Variants in CSNK2A2IP observed in about 807,000 individuals in gnomAD.
The protein encoded by CSNK2A2IP is casein kinase II subunit alpha'-interacting protein.
At chr3:88,435,591 A>T in the CSNK2A2IP span, among the ~76,000 whole-genome samples, 1 of 151,860 alleles carries the variant, frequency 6.6e-6, no homozygotes, top group Non-Finnish European at 1.5e-5. Context: ...CTTCACTTAA[A>T]CCATCTTCCT....
chr3:88,366,109 T>G, the CSNK2A2IP span, among the ~76,000 whole-genome samples: 1 of 152,164 alleles, frequency 6.6e-6, no homozygotes, highest in Non-Finnish European at 1.5e-5. Flanking sequence ...TCATCTGATT[T>G]TGTTTAGTGT....
the CSNK2A2IP span, among the ~76,000 whole-genome samples, chr3:88,364,521 T>C: frequency 6.6e-6 from 1 of 152,068 alleles, no homozygotes; most frequent in Non-Finnish European, 1.5e-5. Flanking sequence ...AATAAAGAAT[T>C]ATTATTATCT....
chr3:88,341,299 T>A, the CSNK2A2IP span, among the ~76,000 whole-genome samples: 66,430 of 151,588 alleles, frequency 0.44, 15,805 homozygotes, highest in South Asian at 0.62. Flanking sequence ...ATCATTATTA[T>A]TATATGCATT....
chr3:88,423,964 G>T, the CSNK2A2IP span, among the ~76,000 whole-genome samples: 4,577 of 152,170 alleles, frequency 0.03, 204 homozygotes, highest in East Asian at 0.21. Context: ...TATTATAGGA[G>T]ATATTTAAAA....
At chr3:88,387,932 G>T in the CSNK2A2IP span, among the ~76,000 whole-genome samples, 1 of 152,142 alleles carries the variant, frequency 6.6e-6, no homozygotes, top group East Asian at 1.9e-4. Flanking sequence ...TTGCTGTGTT[G>T]CCCAGGTTGA....
chr3:88,458,590 T>C, the CSNK2A2IP span, among the ~76,000 whole-genome samples: 1 of 151,810 alleles, frequency 6.6e-6, no homozygotes, highest in Non-Finnish European at 1.5e-5. Flanking sequence ...GTTTTCTTTC[T>C]TCTACTTAAT....
chr3:88,397,392 A>T, the CSNK2A2IP span, among the ~76,000 whole-genome samples: 3 of 152,186 alleles, frequency 2.0e-5, no homozygotes, highest in African/African-American at 7.2e-5. Flanking sequence ...CACTTGTAAC[A>T]TTATTCATCT....
At chr3:88,416,738 A>C in the CSNK2A2IP span, among the ~76,000 whole-genome samples, 1 of 152,162 alleles carries the variant, frequency 6.6e-6, no homozygotes, top group South Asian at 2.1e-4. Context: ...TACCCCATTA[A>C]TTTACTTTCT....
the CSNK2A2IP span, among the ~76,000 whole-genome samples, chr3:88,350,289 C>T: frequency 6.6e-6 from 1 of 151,998 alleles, no homozygotes; most frequent in Non-Finnish European, 1.5e-5. Context: ...TCTGAGTTAC[C>T]AATTCAGTTT....
At chr3:88,437,606 CT>C in the CSNK2A2IP span, among the ~76,000 whole-genome samples, 3 of 152,048 alleles carry the variant, frequency 2.0e-5, no homozygotes, top group African/African-American at 4.8e-5. Context: ...AAATTAGCAA[CT>C]TTTTTTGCAA....
At chr3:88,376,521 G>A in the CSNK2A2IP span, among the ~76,000 whole-genome samples, 31,126 of 151,446 alleles carry the variant, frequency 0.21, 3,330 homozygotes, top group African/African-American at 0.25. Flanking sequence ...AGTTCTTCTC[G>A]TATTTCCTCC....
chr3:88,434,328 A>G, the CSNK2A2IP span, among the ~76,000 whole-genome samples: 1 of 151,264 alleles, frequency 6.6e-6, no homozygotes, highest in African/African-American at 2.4e-5. Context: ...TAAAGAGATT[A>G]AGTGAGGTGG....
the CSNK2A2IP span, among the ~76,000 whole-genome samples, chr3:88,464,136 G>A: frequency 6.8e-6 from 1 of 147,832 alleles, no homozygotes; most frequent in Non-Finnish European, 1.5e-5. Flanking sequence ...ACACAGGAAG[G>A]GGAACATCAC....
At chr3:88,411,350 C>CATCTATCTATCTATCT in the CSNK2A2IP span, among the ~76,000 whole-genome samples, 4 of 146,658 alleles carry the variant, frequency 2.7e-5, no homozygotes, top group African/African-American at 1.0e-4. Flanking sequence ...CTCTATCTAT[C>CATCTATCTATCTATCT]ATCTATCTAT....
the CSNK2A2IP span, among the ~76,000 whole-genome samples, chr3:88,372,257 A>T: frequency 6.6e-6 from 1 of 151,558 alleles, no homozygotes; most frequent in Non-Finnish European, 1.5e-5. Flanking sequence ...TTTTGCCATT[A>T]CTTTTATGCA....
chr3:88,349,702 A>G, the CSNK2A2IP span, among the ~76,000 whole-genome samples: 1,655 of 152,166 alleles, frequency 0.011, 23 homozygotes, highest in Non-Finnish European at 0.014. Flanking sequence ...CTCTTTAATG[A>G]GTCTCCATAC....
the CSNK2A2IP span, among the ~76,000 whole-genome samples, chr3:88,459,866 T>C: frequency 6.6e-6 from 1 of 152,162 alleles, no homozygotes; most frequent in Non-Finnish European, 1.5e-5. Flanking sequence ...CATTGTTTTT[T>C]TTAAGATCAA....
At chr3:88,366,215 G>A in the CSNK2A2IP span, among the ~76,000 whole-genome samples, 1 of 152,126 alleles carries the variant, frequency 6.6e-6, no homozygotes, top group East Asian at 1.9e-4. Context: ...CCAGGTCGTG[G>A]ATTTTCATTT....
chr3:88,460,848 G>T, the CSNK2A2IP span, among the ~76,000 whole-genome samples: 12,084 of 152,158 alleles, frequency 0.079, 839 homozygotes, highest in East Asian at 0.21. Context: ...AGCAGTTTGG[G>T]AGGCCAAGGC....
Sources: gnomAD v4.1 joint callset for allele counts (sites outside exome capture counted in the v4.1 genomes callset) on GRCh38, gnomAD v4.1.1 for gene constraint, MANE v1.5 for transcripts, NCBI Gene and HGNC (gene_info 2026-07-23, HGNC 2026-07-21) for gene names.